RGS17: variants seen among roughly 807,000 people sequenced by gnomAD.
RGS17 encodes regulator of G-protein signaling 17.
Under a neutral mutation model 25.5 loss-of-function variants are expected in RGS17, and 12 were observed. That is an observed-to-expected ratio of 0.47 (90% confidence interval 0.30 to 0.76). RGS17 has a LOEUF of 0.76. Ranked by LOEUF, RGS17 falls within the 30% of genes least tolerant of loss-of-function variation. RGS17 has a pLI of 0.07. For missense variants in RGS17, 196 were observed against 242.2 expected, an observed-to-expected ratio of 0.81 and a Z score of 1.27; for synonymous variants, 71 against 76.9, an observed-to-expected ratio of 0.92 and a Z score of 0.40.
chr6:153,036,848 A>G (rs1219639742), intron 2 of RGS17, among the ~76,000 whole-genome samples: 2 of 152,000 alleles, frequency 1.3e-5, no homozygotes, highest in African/African-American at 4.8e-5. Flanking sequence ...ATCTCTCACC[A>G]AGGCTATTAT....
chr6:153,095,196 C>A (rs745712928), intron 1 of RGS17, among the ~76,000 whole-genome samples: 1 of 151,844 alleles, frequency 6.6e-6, no homozygotes, highest in Non-Finnish European at 1.5e-5. Context: ...TATTTCTCAG[C>A]GAATCATTGA....
intron 1 of RGS17, among the ~76,000 whole-genome samples, chr6:153,108,616 T>C (rs1777419719): frequency 6.6e-6 from 1 of 151,740 alleles, no homozygotes; most frequent in Non-Finnish European, 1.5e-5. Flanking sequence ...ATTCCAACAT[T>C]TCTATACTGC....
At chr6:153,053,976 T>TAC (rs1491516817) in intron 1 of RGS17, among the ~76,000 whole-genome samples, 1 of 31,088 alleles carries the variant, frequency 3.2e-5, no homozygotes, top group African/African-American at 1.3e-4. Context: ...TACATATATA[T>TAC]GTATATATGT....
chr6:153,122,815 T>C (rs1777651798), intron 1 of RGS17, among the ~76,000 whole-genome samples: 1 of 152,010 alleles, frequency 6.6e-6, no homozygotes, highest in Admixed American at 6.5e-5. Flanking sequence ...TTTATCTATT[T>C]AGAAATACTA....
At chr6:153,011,849 G>A (rs1779137234) in intron 4 of RGS17, 87 bp from the exon 5 acceptor site, 2 of 961,622 alleles carry the variant, frequency 2.1e-6, no homozygotes, top group African/African-American at 1.7e-5. Flanking sequence ...ACATTTTAGA[G>A]AAACTTTAAA....
At chr6:153,054,860 C>T (rs1776532588) in intron 1 of RGS17, among the ~76,000 whole-genome samples, 1 of 151,990 alleles carries the variant, frequency 6.6e-6, no homozygotes, top group Non-Finnish European at 1.5e-5. Context: ...TTGTGTAGTT[C>T]CCATACCATT....
chr6:153,074,685 T>C (rs1187748368), intron 1 of RGS17, among the ~76,000 whole-genome samples: 1 of 152,200 alleles, frequency 6.6e-6, no homozygotes, highest in African/African-American at 2.4e-5. Flanking sequence ...TATTAGAAAT[T>C]CCTTCTTAGT....
chr6:153,028,038 A>G (rs1256652250), intron 2 of RGS17, among the ~76,000 whole-genome samples: 1 of 152,218 alleles, frequency 6.6e-6, no homozygotes, highest in African/African-American at 2.4e-5. Flanking sequence ...AAGCGGGCCC[A>G]TCTACAATGG....
chr6:153,025,436 A>G (rs1177823020), intron 3 of RGS17, among the ~76,000 whole-genome samples: 1 of 151,992 alleles, frequency 6.6e-6, no homozygotes, highest in Non-Finnish European at 1.5e-5. Context: ...ATTTAAAACT[A>G]TATACAGATC....
intron 4 of RGS17, among the ~76,000 whole-genome samples, chr6:153,017,708 T>C (rs1410008511): frequency 6.6e-6 from 1 of 152,216 alleles, no homozygotes; most frequent in Admixed American, 6.5e-5. Flanking sequence ...TTTAATTCCC[T>C]GAACAATGTT....
intron 1 of RGS17, among the ~76,000 whole-genome samples, chr6:153,105,327 C>A (rs570069127): frequency 2.0e-5 from 3 of 152,166 alleles, no homozygotes; most frequent in Admixed American, 6.6e-5. Flanking sequence ...GTTGACAGCT[C>A]CATGGACAGC....
At chr6:153,081,545 T>C (rs74651148) in intron 1 of RGS17, among the ~76,000 whole-genome samples, 1 of 152,076 alleles carries the variant, frequency 6.6e-6, no homozygotes, top group Non-Finnish European at 1.5e-5. Flanking sequence ...TTTAGACCGT[T>C]TGCATTTAAA....
At chr6:153,094,366 T>C (rs1010189096) in intron 1 of RGS17, among the ~76,000 whole-genome samples, 10 of 152,116 alleles carry the variant, frequency 6.6e-5, no homozygotes, top group African/African-American at 2.4e-4. Context: ...GGCGTGAGCA[T>C]TGTGCTCAGT....
intron 1 of RGS17, among the ~76,000 whole-genome samples, chr6:153,080,955 A>G (rs1321231674): frequency 6.6e-6 from 1 of 151,998 alleles, no homozygotes; most frequent in Non-Finnish European, 1.5e-5. Flanking sequence ...GAATAAATAT[A>G]CTGTGTATAT....
At chr6:153,029,246 A>G (rs879736639) in intron 2 of RGS17, among the ~76,000 whole-genome samples, 2 of 152,204 alleles carry the variant, frequency 1.3e-5, no homozygotes, top group African/African-American at 4.8e-5. Flanking sequence ...CAACAGACAA[A>G]TTGTCCTTTT....
Position 153,058,166 on chromosome 6 carries a change from G to A in RGS17, c.-25-14123C>T, listed in dbSNP as rs149262232. The stretch of plus-strand genomic sequence containing the variant: ...AAATCTTTGCAATTACAGTAAGTGC[G>A]CAGTATGTGGTAGCTCTTTCAAGGT... On this transcript the variant is annotated intron_variant, in intron 1 of 4. Coordinates refer to ENST00000206262, the MANE Select transcript of RGS17 (RefSeq NM_012419.5). Among the ~76,000 whole-genome samples the A allele has an allele frequency of 2.5e-3, 384 of 152,286 alleles. 1 individual carries two copies. In the Middle Eastern group the frequency reaches 0.048, roughly 19 times the overall value.
At chr6:153,020,764 A>T (rs1402864112) in intron 4 of RGS17, among the ~76,000 whole-genome samples, 2 of 152,202 alleles carry the variant, frequency 1.3e-5, no homozygotes, top group Admixed American at 1.3e-4. Flanking sequence ...TTCTTTAAAA[A>T]TATTCTGAAT....
chr6:153,049,742 C>A, intron 1 of RGS17, among the ~76,000 whole-genome samples: 1 of 142,038 alleles, frequency 7.0e-6, no homozygotes, highest in South Asian at 2.3e-4. Flanking sequence ...CAGAGTGAGA[C>A]TCCTTCTCAA....
At chr6:153,025,174 T>G (rs1006641927) in intron 3 of RGS17, among the ~76,000 whole-genome samples, 2 of 151,530 alleles carry the variant, frequency 1.3e-5, no homozygotes, top group African/African-American at 4.9e-5. Context: ...ATTAGCTGGG[T>G]GTGCTGGCAT....
Sources: allele counts gnomAD v4.1 joint callset (sites outside exome capture counted in the v4.1 genomes callset), GRCh38; gene constraint gnomAD v4.1.1; transcripts MANE v1.5; gene names NCBI Gene and HGNC (gene_info 2026-07-23, HGNC 2026-07-21).